Variants in PPP5C observed in about 807,000 individuals in gnomAD.
The protein encoded by PPP5C is protein phosphatase 5 catalytic subunit.
PPP5C carries 21 observed loss-of-function variants against 66.7 expected under a neutral mutation model. That is an observed-to-expected ratio of 0.31 (90% CI 0.22 to 0.45). The LOEUF (loss-of-function observed/expected upper bound fraction) is 0.45, where lower values mean the gene tolerates loss of function less well. PPP5C is among the 20% of genes least tolerant of loss of function. The pLI, the probability that PPP5C is intolerant of heterozygous loss-of-function variation, is 1.00. For missense variants in PPP5C, 464 were observed against 675.9 expected, an observed-to-expected ratio of 0.69 and a Z score of 3.48; for synonymous variants, 246 against 257.4, an observed-to-expected ratio of 0.96 and a Z score of 0.43.
In PPP5C at chr19:46,383,627, C is replaced by G; in HGVS notation, c.699+151C>G. Reference sequence around the variant, plus strand: ...TTCCTCCTGAATATCCCATTTCTCTCCTGGCCTCTTGGTCTTCGTTTGTGT... The same window carrying G: ...TTCCTCCTGAATATCCCATTTCTCTGCTGGCCTCTTGGTCTTCGTTTGTGT... On this transcript the variant is annotated intron_variant, in intron 5 of 12. Coordinates refer to ENST00000012443, the MANE Select transcript of PPP5C (RefSeq NM_006247.4). This position sits in a 1 kb window ranked among gnomAD's most constrained non-coding sequence, Gnocchi z 5.0. 1.9e-6 allele frequency: 2 copies of G among 1,033,172 alleles called. No homozygotes were observed. Among genetic ancestry groups the G allele is most frequent in the South Asian group, 3.2e-5 (2 of 63,098 alleles). The allele number at this position is 1,033,172 out of a possible 1,614,324, so 64.0% of individuals were successfully genotyped here.
In PPP5C at chr19:46,376,717, G is replaced by GC; in HGVS notation, c.633+145dup. On this transcript the variant is annotated intron_variant, in intron 4 of 12. Coordinates refer to ENST00000012443, the MANE Select transcript of PPP5C (RefSeq NM_006247.4). The surrounding 1 kb of genome is among the most constrained non-coding windows in gnomAD (Gnocchi z 5.1). Reference sequence around the variant, plus strand: ...ACAGGAGTCGTGTGCCGGACACTGTGCCGAGGGCTTACCACATGATCTCAT... The same window carrying GC: ...ACAGGAGTCGTGTGCCGGACACTGTGCCCGAGGGCTTACCACATGATCTCAT... The GC allele has an allele frequency of 3.4e-6, 4 of 1,189,918 alleles. No individual in the cohort carries two copies. The highest frequency in any genetic ancestry group is 4.7e-6 in the Non-Finnish European group (4 of 859,224). 73.7% of individuals were successfully genotyped at this position (1,189,918 alleles called of 1,614,324 possible). A position where few individuals can be genotyped will look rare whatever the true frequency, so the allele number is the denominator to read the frequency against.
intron 2 of PPP5C, among the ~76,000 whole-genome samples, chr19:46,366,198 G>C (rs1481871137): frequency 1.3e-5 from 2 of 152,028 alleles, no homozygotes; most frequent in Admixed American, 1.3e-4. Context: ...CCTGCTCACA[G>C]GGCCAAAAAA....
At chr19:46,348,210 C>T (rs1972118808) in intron 1 of PPP5C, among the ~76,000 whole-genome samples, 1 of 151,026 alleles carries the variant, frequency 6.6e-6, no homozygotes. Context: ...ATGGCTGGGG[C>T]TTTGGCTACT....
At chr19:46,360,666 A>G (rs925306843) in intron 2 of PPP5C, among the ~76,000 whole-genome samples, 1 of 151,844 alleles carries the variant, frequency 6.6e-6, no homozygotes, top group Non-Finnish European at 1.5e-5. Context: ...ACACCCCGCT[A>G]ATTTTTTTGT....
At chr19:46,355,816 C>T (rs1972275521) in intron 2 of PPP5C, among the ~76,000 whole-genome samples, 1 of 151,600 alleles carries the variant, frequency 6.6e-6, no homozygotes, top group South Asian at 2.1e-4. Flanking sequence ...GGCAGGGCTC[C>T]AGGTGGGAAG....
intron 2 of PPP5C, among the ~76,000 whole-genome samples, chr19:46,355,222 G>C (rs1309655380): frequency 3.9e-5 from 6 of 152,334 alleles, no homozygotes; most frequent in Non-Finnish European, 5.9e-5. Context: ...CCTGCGCATG[G>C]GGATGGTGCA....
chr19:46,369,631 C>CAAAA (rs34783979), intron 2 of PPP5C, among the ~76,000 whole-genome samples: 1 of 119,138 alleles, frequency 8.4e-6, no homozygotes. Context: ...GACTCTGTCT[C>CAAAA]AAAAAAAAAA....
Position 46,387,202 on chromosome 19 carries a change from C to T in PPP5C, c.1014C>T (p.Leu338=), listed in dbSNP as rs778087124. 2 of 1,614,200 alleles carry T rather than the reference C, an allele frequency of 1.2e-6. No individual in the cohort carries two copies. The highest frequency in any genetic ancestry group is 1.7e-6 in the Non-Finnish European group (2 of 1,180,036). ...YELFSEVFEW[L]PLAQCINGKV... ...TCTTTAGCGAGGTGTTCGAGTGGCT[C>T]CCGTTGGCCCAGTGCATCAACGGCA... The change falls in exon 8 of 13, where the codon CTC becomes CTT. Residue 338 remains leucine (L), a synonymous_variant. Coordinates refer to ENST00000012443, the MANE Select transcript of PPP5C (RefSeq NM_006247.4).
rs376371932 is a variant in PPP5C at position 46,377,383 on chromosome 19, G to A, written c.633+809G>A. Among the ~76,000 whole-genome samples, 28 of 152,274 alleles carry A rather than the reference G, an allele frequency of 1.8e-4. No homozygotes were observed. The South Asian group carries it at 5.6e-3, about 30-fold the overall frequency. ...AAGGGCTGTTGTAAGGAGTAACTGC[G>A]TGTAATCCACATCAGTGCTTCGAAT... On this transcript the variant is annotated intron_variant, in intron 4 of 12. Transcript: ENST00000012443.
chr19:46,389,367 ACACACACACAC>A (rs1972957587), intron 11 of PPP5C, among the ~76,000 whole-genome samples: 1 of 2,176 alleles, frequency 4.6e-4, no homozygotes, highest in African/African-American at 6.7e-4. Context: ...CTCAAAACAC[ACACACACACAC>A]ACACACACAC....
intron 2 of PPP5C, among the ~76,000 whole-genome samples, chr19:46,361,201 C>T (rs1972382189): frequency 6.9e-6 from 1 of 145,574 alleles, no homozygotes; most frequent in African/African-American, 2.6e-5. Flanking sequence ...GCAATCTCCA[C>T]TCGCTGCAAG....
chr19:46,366,196 C>A (rs1001876619), intron 2 of PPP5C, among the ~76,000 whole-genome samples: 4 of 152,006 alleles, frequency 2.6e-5, no homozygotes, highest in African/African-American at 9.7e-5. Flanking sequence ...ACCCTGCTCA[C>A]AGGGCCAAAA....
chr19:46,364,793 G>C (rs1306804815), intron 2 of PPP5C, among the ~76,000 whole-genome samples: 3 of 152,084 alleles, frequency 2.0e-5, no homozygotes, highest in Admixed American at 6.5e-5. Context: ...CATTAATTTA[G>C]GAATTTCAAG....
chr19:46,347,107 CGGA>C lies in PPP5C; in HGVS notation c.14_16del (p.Glu5del). Reference sequence around the variant, plus strand: ...GGGTCGCTTTGCGGCATGGCGATGGCGGAGGGCGAGAGGACTGAGTGTGCTGAG... The same window carrying C: ...GGGTCGCTTTGCGGCATGGCGATGGCGGGCGAGAGGACTGAGTGTGCTGAG... On this transcript the variant is annotated inframe_deletion, in exon 1 of 13. Transcript: ENST00000012443. 1 of 1,601,928 alleles carries C rather than the reference CGGA, an allele frequency of 6.2e-7. No individual in the cohort carries two copies. The highest frequency in any genetic ancestry group is 8.5e-7 in the Non-Finnish European group (1 of 1,174,752).
At chr19:46,386,947 T>A (rs1972899432) in intron 7 of PPP5C, 146 bp from the exon 8 acceptor site, 2 of 1,119,392 alleles carry the variant, frequency 1.8e-6, no homozygotes, top group Admixed American at 2.3e-5. Context: ...CCTTGGTACC[T>A]CCAGTCTGGA....
chr19:46,373,008 C>G (rs1283239159), intron 2 of PPP5C, among the ~76,000 whole-genome samples: 1 of 152,248 alleles, frequency 6.6e-6, no homozygotes, highest in African/African-American at 2.4e-5. Flanking sequence ...CTGCTGCTGC[C>G]TGGCATTAAG....
intron 1 of PPP5C, among the ~76,000 whole-genome samples, chr19:46,351,088 G>A (rs1282169195): frequency 6.6e-6 from 1 of 152,114 alleles, no homozygotes; most frequent in African/African-American, 2.4e-5. Context: ...TGGGGGGTGG[G>A]GGCTTATGCT....
intron 2 of PPP5C, among the ~76,000 whole-genome samples, chr19:46,355,792 C>T (rs567671130): frequency 1.1e-4 from 16 of 151,764 alleles, no homozygotes; most frequent in African/African-American, 3.6e-4. Flanking sequence ...CAAGGACAGT[C>T]GGTGTTGGGT....
chr19:46,366,799 C>G (rs1326545739), intron 2 of PPP5C, among the ~76,000 whole-genome samples: 5 of 152,208 alleles, frequency 3.3e-5, no homozygotes, highest in Admixed American at 3.3e-4. Context: ...TGGTGGCAGT[C>G]TAGAGTCCAC....
Sources: allele counts gnomAD v4.1 joint callset (sites outside exome capture counted in the v4.1 genomes callset), GRCh38; gene constraint gnomAD v4.1.1; non-coding constraint Gnocchi (gnomAD v3.1); transcripts MANE v1.5; gene names NCBI Gene and HGNC (gene_info 2026-07-23, HGNC 2026-07-21).